Variants in ITGA2 observed in about 807,000 individuals in gnomAD.
ITGA2 encodes the protein integrin alpha-2.
In ITGA2, 101 loss-of-function variants were observed where a neutral mutation model predicts 146.3. The observed-to-expected ratio is 0.69, with a 90% CI of 0.59 to 0.81. ITGA2 has a LOEUF of 0.81. ITGA2 is among the 40% of genes least tolerant of loss of function. The pLI is 0.00. For missense variants in ITGA2, 1,281 were observed against 1,402.7 expected (o/e 0.91, Z 1.39); for synonymous variants, 477 against 487.1 (o/e 0.98, Z 0.27).
intron 15 of ITGA2, among the ~76,000 whole-genome samples, chr5:53,066,828 A>T (rs1175362843): frequency 1.3e-5 from 2 of 151,920 alleles, no homozygotes; most frequent in African/African-American, 4.8e-5. Context: ...AGTTAAAATC[A>T]TTTCAGAGTA....
chr5:53,001,326 T>C (rs932380032), intron 1 of ITGA2, among the ~76,000 whole-genome samples: 1 of 152,232 alleles, frequency 6.6e-6, no homozygotes, highest in East Asian at 1.9e-4. Flanking sequence ...CTGGAGGTAC[T>C]AGAATTCCTT....
intron 28 of ITGA2, among the ~76,000 whole-genome samples, chr5:53,088,166 AT>A (rs775683486): frequency 6.6e-6 from 1 of 152,112 alleles, no homozygotes; most frequent in Non-Finnish European, 1.5e-5. Flanking sequence ...AGTATTATAG[AT>A]TTTTTTTAAA....
In ITGA2 at chr5:53,062,939, A is replaced by T. The variant is rs369351309; in HGVS notation, c.1602+10A>T. ...GTTTACTATCAAAGAGGTAAAAAAA[A>T]AAAAATAAACTAATAGTTTAATTTG... On this transcript the variant is annotated intron_variant, in intron 13 of 29. Transcript: ENST00000296585. The T allele has an allele frequency of 5.5e-4, 876 of 1,603,682 alleles. 2 individuals carry two copies. Among genetic ancestry groups the T allele is most frequent in the Middle Eastern group, 1.5e-3 (9 of 6,000 alleles).
intron 17 of ITGA2, among the ~76,000 whole-genome samples, chr5:53,071,593 C>T (rs976905620): frequency 1.1e-4 from 16 of 151,770 alleles, no homozygotes; most frequent in African/African-American, 2.2e-4. Flanking sequence ...ACCAAGATAC[C>T]GCTTCTGAGG....
intron 23 of ITGA2, among the ~76,000 whole-genome samples, chr5:53,078,441 A>G (rs1013116958): frequency 6.6e-6 from 1 of 152,188 alleles, no homozygotes; most frequent in African/African-American, 2.4e-5. Flanking sequence ...ACTAGTCAAT[A>G]TAACAGTAAT....
intron 4 of ITGA2, among the ~76,000 whole-genome samples, chr5:53,045,572 C>G (rs26676): frequency 6.6e-6 from 1 of 152,058 alleles, no homozygotes; most frequent in South Asian, 2.1e-4. Context: ...CATCACTAAT[C>G]AGTGAAATAG....
At chr5:53,042,689 T>A (rs1272573960) in intron 3 of ITGA2, among the ~76,000 whole-genome samples, 1 of 152,186 alleles carries the variant, frequency 6.6e-6, no homozygotes, top group Non-Finnish European at 1.5e-5. Flanking sequence ...AATTATTTGC[T>A]GTTTTAATTA....
intron 15 of ITGA2, 46 bp downstream of exon 15, chr5:53,066,023 T>A (rs751328978): frequency 1.6e-5 from 25 of 1,573,974 alleles, no homozygotes; most frequent in Middle Eastern, 3.3e-4. Context: ...AATTACCTGC[T>A]AAGAAAGCAG....
Position 53,048,673 on chromosome 5 carries a change from T to C in ITGA2, c.533T>C (p.Val178Ala). Residue 178 changes from valine to alanine, a missense_variant, in exon 6 of 30, where the codon GTG becomes GCG. Transcript: ENST00000296585. ...CCTTCCCTCATAGATGTTGTGGTTG[T>C]GTGTGATGAATCAAATAGTATTTAT... ...PCPSLIDVVVVCDESNSIYPW... is the reference protein window; with the variant it reads ...PCPSLIDVVVACDESNSIYPW... 1 of 1,614,070 alleles carries C rather than the reference T, an allele frequency of 6.2e-7. No homozygotes were observed. Among genetic ancestry groups the C allele is most frequent in the Non-Finnish European group, 8.5e-7 (1 of 1,179,974 alleles).
intron 7 of ITGA2, among the ~76,000 whole-genome samples, chr5:53,052,116 T>G (rs1744397656): frequency 1.3e-5 from 2 of 152,150 alleles, no homozygotes; most frequent in Admixed American, 1.3e-4. Flanking sequence ...ATACTTTAAG[T>G]TCTGGGATAC....
At chr5:53,009,632 G>A (rs1742025394) in intron 1 of ITGA2, among the ~76,000 whole-genome samples, 1 of 152,100 alleles carries the variant, frequency 6.6e-6, no homozygotes, top group African/African-American at 2.4e-5. Context: ...TGATGATCTG[G>A]CAAATTCTCA....
At chr5:53,012,765 T>C (rs1366636857) in intron 1 of ITGA2, among the ~76,000 whole-genome samples, 1 of 152,112 alleles carries the variant, frequency 6.6e-6, no homozygotes, top group Non-Finnish European at 1.5e-5. Context: ...CAGCATGTTA[T>C]TTTTTTACTT....
At chr5:53,078,508 C>A (rs1333597588) in intron 23 of ITGA2, among the ~76,000 whole-genome samples, 1 of 152,042 alleles carries the variant, frequency 6.6e-6, no homozygotes, top group South Asian at 2.1e-4. Flanking sequence ...TATTTAGAAA[C>A]TTGAGAATTG....
intron 1 of ITGA2, among the ~76,000 whole-genome samples, chr5:52,996,741 G>A (rs547568047): frequency 2.6e-5 from 4 of 152,280 alleles, no homozygotes; most frequent in Non-Finnish European, 5.9e-5. Context: ...ATATCAGTGC[G>A]TTAGTCAGAT....
intron 1 of ITGA2, among the ~76,000 whole-genome samples, chr5:53,001,456 C>G (rs1211378942): frequency 1.3e-5 from 2 of 152,154 alleles, no homozygotes; most frequent in Non-Finnish European, 2.9e-5. Flanking sequence ...AGCATAAACT[C>G]TATTCCTGGG....
intron 2 of ITGA2, among the ~76,000 whole-genome samples, chr5:53,034,570 A>G (rs969021183): frequency 6.6e-6 from 1 of 152,208 alleles, no homozygotes; most frequent in East Asian, 1.9e-4. Context: ...ATGTTGCTCC[A>G]GAATGTCTGC....
chr5:53,050,283 T>C (rs3212500), intron 6 of ITGA2, among the ~76,000 whole-genome samples: 8,036 of 152,186 alleles, frequency 0.053, 713 homozygotes, highest in African/African-American at 0.18. Flanking sequence ...CAGCCTAAAT[T>C]TGACCTTCCT....
chr5:53,066,016 T>G, intron 15 of ITGA2, 39 bp downstream of exon 15: 1 of 1,595,188 alleles, frequency 6.3e-7, no homozygotes, highest in Non-Finnish European at 8.6e-7. Context: ...AACTAAAAAT[T>G]ACCTGCTAAG....
At chr5:53,025,489 G>A (rs932735269) in intron 1 of ITGA2, among the ~76,000 whole-genome samples, 1 of 152,210 alleles carries the variant, frequency 6.6e-6, no homozygotes, top group Non-Finnish European at 1.5e-5. Flanking sequence ...CTGATACAGT[G>A]ATTTTGGCAC....
Sources: allele counts gnomAD v4.1 joint callset (sites outside exome capture counted in the v4.1 genomes callset), GRCh38; gene constraint gnomAD v4.1.1; transcripts MANE v1.5; gene names NCBI Gene and HGNC (gene_info 2026-07-23, HGNC 2026-07-21).